The following DPP10 variants were observed in gnomAD, a reference collection of about 807,000 sequenced individuals.
DPP10 encodes the protein dipeptidyl peptidase like 10, also known as inactive dipeptidyl peptidase 10.
A neutral mutation model predicts 120.9 loss-of-function variants in DPP10; 33 were observed. The observed-to-expected ratio is 0.27, with a 90% confidence interval of 0.21 to 0.37. The LOEUF (loss-of-function observed/expected upper bound fraction) is 0.37. DPP10 is among the 10% of genes least tolerant of loss of function. The pLI is 1.00. For synonymous variants in DPP10, 337 were observed against 326.1 expected (o/e 1.03, Z -0.36); for missense variants, 816 against 942.8 (o/e 0.87, Z 1.76).
At chr2:115,076,243 ATTAC>A (rs1346159337) in intron 1 of DPP10, among the ~76,000 whole-genome samples, 1 of 133,900 alleles carries the variant, frequency 7.5e-6, no homozygotes, top group Non-Finnish European at 1.6e-5. Context: ...TTAGGAAGTA[ATTAC>A]TTCAGTTTAT....
intron 5 of DPP10, among the ~76,000 whole-genome samples, chr2:115,529,932 A>T (rs1575105517): frequency 6.6e-6 from 1 of 152,272 alleles, no homozygotes; most frequent in East Asian, 1.9e-4. Flanking sequence ...TGTTTTTAAA[A>T]TGTGGAATAA....
chr2:115,800,153 T>A (rs1323595654), intron 19 of DPP10, among the ~76,000 whole-genome samples: 3 of 151,748 alleles, frequency 2.0e-5, no homozygotes, highest in Non-Finnish European at 4.4e-5. Context: ...GGTATCTCAT[T>A]GTGGTTTTGA....
intron 1 of DPP10, among the ~76,000 whole-genome samples, chr2:114,885,216 G>C (rs535420577): frequency 1.3e-5 from 2 of 152,124 alleles, no homozygotes; most frequent in East Asian, 3.9e-4. Context: ...TTACAATCAC[G>C]GCAGAAGCCA....
chr2:115,105,583 C>G (rs1316730230), intron 1 of DPP10, among the ~76,000 whole-genome samples: 2 of 152,170 alleles, frequency 1.3e-5, no homozygotes, highest in Non-Finnish European at 2.9e-5. Context: ...ACCCAGACAT[C>G]TCCCACTTGG....
intron 1 of DPP10, among the ~76,000 whole-genome samples, chr2:114,992,654 T>G (rs988695185): frequency 6.6e-6 from 1 of 152,166 alleles, no homozygotes; most frequent in African/African-American, 2.4e-5. Flanking sequence ...TGAAAATAAA[T>G]AGCAGGTTTA....
chr2:114,604,400 C>T (rs1692623807), intron 1 of DPP10, among the ~76,000 whole-genome samples: 1 of 151,978 alleles, frequency 6.6e-6, no homozygotes, highest in Non-Finnish European at 1.5e-5. Flanking sequence ...CTCTTACCTG[C>T]ACAGAAAGAC....
intron 10 of DPP10, among the ~76,000 whole-genome samples, chr2:115,751,235 A>C (rs1678667882): frequency 6.6e-6 from 1 of 152,200 alleles, no homozygotes; most frequent in Non-Finnish European, 1.5e-5. Context: ...TTCTCTAGAA[A>C]AATCTATTAA....
chr2:115,819,963 C>A (rs1219510333), intron 21 of DPP10, among the ~76,000 whole-genome samples: 1 of 152,220 alleles, frequency 6.6e-6, no homozygotes, highest in Non-Finnish European at 1.5e-5. Flanking sequence ...CATTGCACTC[C>A]AGCCTGGGCA....
chr2:114,504,778 G>T (rs1382266060), intron 1 of DPP10, among the ~76,000 whole-genome samples: 1 of 152,106 alleles, frequency 6.6e-6, no homozygotes, highest in African/African-American at 2.4e-5. Flanking sequence ...AGGTGGCTGG[G>T]CGTGGTGGCT....
At chr2:115,315,910 G>A (rs2106068406) in intron 2 of DPP10, among the ~76,000 whole-genome samples, 1 of 151,972 alleles carries the variant, frequency 6.6e-6, no homozygotes, top group African/African-American at 2.4e-5. Context: ...AATTTCCTCT[G>A]GCATTAACGG....
chr2:115,710,249 T>C (rs1432156246), intron 7 of DPP10, among the ~76,000 whole-genome samples: 1 of 152,144 alleles, frequency 6.6e-6, no homozygotes, highest in Non-Finnish European at 1.5e-5. Flanking sequence ...ATGTTAAGTA[T>C]ATGAGTAAAC....
chr2:114,916,701 T>A (rs1694829960), intron 1 of DPP10, among the ~76,000 whole-genome samples: 1 of 152,176 alleles, frequency 6.6e-6, no homozygotes. Flanking sequence ...ATTCATCACA[T>A]AAAGAGAACT....
intron 1 of DPP10, among the ~76,000 whole-genome samples, chr2:114,880,416 C>T (rs1230811302): frequency 6.6e-6 from 1 of 152,156 alleles, no homozygotes; most frequent in East Asian, 1.9e-4. Flanking sequence ...CAACCAGTAG[C>T]TGCATCAGCA....
At chr2:115,213,310 G>A (rs2056632280) in intron 1 of DPP10, among the ~76,000 whole-genome samples, 1 of 152,086 alleles carries the variant, frequency 6.6e-6, no homozygotes, top group Non-Finnish European at 1.5e-5. Context: ...AAAAAACTGG[G>A]ATTGTAAATG....
intron 1 of DPP10, among the ~76,000 whole-genome samples, chr2:114,767,103 G>GA (rs35500978): frequency 0.062 from 2,974 of 48,054 alleles, 66 homozygotes; most frequent in East Asian, 0.22. Context: ...ATCAAAACTA[G>GA]AAAAAAAAAA....
intron 1 of DPP10, among the ~76,000 whole-genome samples, chr2:114,742,539 T>C (rs928945773): frequency 4.6e-5 from 7 of 152,216 alleles, no homozygotes; most frequent in Non-Finnish European, 8.8e-5. Flanking sequence ...ACATTCATTT[T>C]TTATGTGGCA....
chr2:115,840,604 G>C (rs773714932), intron 24 of DPP10, 146 bp from the exon 25 acceptor site: 1 of 742,214 alleles, frequency 1.3e-6, no homozygotes, highest in Non-Finnish European at 2.1e-6. Flanking sequence ...GATTACAGGC[G>C]TGAGCCACCG....
At chr2:115,561,437 A>G (rs376665330) in intron 5 of DPP10, among the ~76,000 whole-genome samples, 1 of 151,898 alleles carries the variant, frequency 6.6e-6, no homozygotes, top group Admixed American at 6.6e-5. Flanking sequence ...ACGTCCAAAA[A>G]AAGTAGGCAT....
intron 5 of DPP10, among the ~76,000 whole-genome samples, chr2:115,687,041 AT>A (rs1355033045): frequency 1.3e-5 from 2 of 152,050 alleles, no homozygotes; most frequent in South Asian, 4.1e-4. Context: ...GATAAAGGAA[AT>A]TGAGGAATGT....
Sources: gnomAD v4.1 joint callset for allele counts (sites outside exome capture counted in the v4.1 genomes callset) on GRCh38, gnomAD v4.1.1 for gene constraint, MANE v1.5 for transcripts, NCBI Gene and HGNC (gene_info 2026-07-23, HGNC 2026-07-21) for gene names.